MCPH1: variants seen among roughly 807,000 people sequenced by gnomAD.
MCPH1 encodes the protein microcephalin 1.
A neutral mutation model predicts 84.5 loss-of-function variants in MCPH1; 104 were observed. The observed-to-expected ratio is 1.23, with a 90% CI of 1.05 to 1.45. The LOEUF (loss-of-function observed/expected upper bound fraction) is 1.45. MCPH1 is among the 40% of genes most tolerant of loss of function. MCPH1 has a pLI of 0.00. For missense variants in MCPH1, 1,498 were observed against 1,005.7 expected, an observed-to-expected ratio of 1.49 and a Z score of -6.62; for synonymous variants, 514 against 366.8, an observed-to-expected ratio of 1.40 and a Z score of -4.58.
chr8:6,641,944 G>C (rs182921093), intron 13 of MCPH1, among the ~76,000 whole-genome samples: 3 of 152,050 alleles, frequency 2.0e-5, no homozygotes, highest in Admixed American at 6.6e-5. Context: ...ACTGACCCAG[G>C]CCTCCTGGGT....
At chr8:6,452,956 G>C (rs1042198974) in intron 8 of MCPH1, among the ~76,000 whole-genome samples, 6 of 152,190 alleles carry the variant, frequency 3.9e-5, no homozygotes, top group African/African-American at 1.4e-4. Context: ...TAGGTAGTTG[G>C]ATATAGCCAG....
intron 12 of MCPH1, among the ~76,000 whole-genome samples, chr8:6,587,735 G>C (rs572333533): frequency 2.4e-4 from 36 of 152,302 alleles, no homozygotes; most frequent in Non-Finnish European, 4.1e-4. Flanking sequence ...AAGGGAGCTT[G>C]GGTAGATAAG....
intron 12 of MCPH1, among the ~76,000 whole-genome samples, chr8:6,596,049 T>C (rs1429804940): frequency 6.6e-6 from 1 of 152,214 alleles, no homozygotes; most frequent in African/African-American, 2.4e-5. Flanking sequence ...AAAGTATGTT[T>C]CTGTGTCCTT....
In MCPH1 at chr8:6,621,495, C is replaced by T. The variant is rs35999761; in HGVS notation, c.2256C>T (p.Arg752=). The change falls in exon 13 of 14, where the codon CGC becomes CGT. Residue 752 remains arginine (R), a synonymous_variant. Transcript: ENST00000344683. ...GCCACTTGTCTGCAGGGCCGTACCG[C>T]GGAACCCTCTTTGCCGACCAGCCAG... is the stretch of plus-strand genomic sequence containing the variant. ...SECHLSAGPY[R]GTLFADQPAM... 2.7e-4 allele frequency: 435 copies of T among 1,614,146 alleles called. No individual in the cohort carries two copies. In the African/African-American group the frequency reaches 4.4e-3, roughly 16 times the overall value.
Position 6,520,473 on chromosome 8 carries a change from G to A in MCPH1, c.2214+20544G>A, listed in dbSNP as rs538718677. ...GTGCAGTGACACATCTCAGCTTACC[G>A]CATCCTCCTCCTCCCAGGTTTAAGT... On this transcript the variant is annotated intron_variant, in intron 12 of 13. Coordinates refer to ENST00000344683, the MANE Select transcript of MCPH1 (RefSeq NM_024596.5). 1.3e-4 allele frequency among the ~76,000 whole-genome samples: 19 copies of A among 151,936 alleles called. 1 individual carries two copies. The highest frequency in any genetic ancestry group is 3.9e-4 in the African/African-American group (16 of 41,332).
At position 6,645,367 on chromosome 8, in the gene MCPH1, A is replaced by C. The variant is rs1798166404; in HGVS notation, c.*2318A>C. The stretch of plus-strand genomic sequence containing the variant: ...CTTTCAACAATCCTATTAGTAGCTT[A>C]CTGTGGGTCTGCAAAGCCTTACTCA... On this transcript the variant is annotated 3_prime_UTR_variant, in exon 14 of 14. Coordinates refer to ENST00000344683, the MANE Select transcript of MCPH1 (RefSeq NM_024596.5). 6.6e-6 allele frequency: 1 copy of C among 152,162 alleles called. No homozygotes were observed. Among genetic ancestry groups the C allele is most frequent in the Admixed American group, 6.5e-5 (1 of 15,270 alleles). The allele number at this position is 152,162 out of a possible 1,614,324, so 9.4% of individuals were successfully genotyped here.
intron 3 of MCPH1, among the ~76,000 whole-genome samples, chr8:6,417,057 A>AG (rs1799410104): frequency 6.6e-6 from 1 of 151,704 alleles, no homozygotes; most frequent in Non-Finnish European, 1.5e-5. Flanking sequence ...CACTTTCAGA[A>AG]ATTTAAGTGT....
Position 6,519,247 on chromosome 8 carries a change from C to G in MCPH1, c.2214+19318C>G, listed in dbSNP as rs566764332. ...CCCTCAGACCATGTCACCAAGTCCA[C>G]AGGTTGAAACTGTTTTCACGATGCT... On this transcript the variant is annotated intron_variant, in intron 12 of 13. Transcript: ENST00000344683. 2.6e-5 allele frequency among the ~76,000 whole-genome samples: 4 copies of G among 152,292 alleles called. No homozygotes were observed. In the South Asian group the frequency reaches 8.3e-4, roughly 32 times the overall value.
intron 12 of MCPH1, chr8:6,503,023 C>T (rs1167512727): frequency 7.5e-5 from 116 of 1,545,188 alleles, no homozygotes; most frequent in Non-Finnish European, 9.4e-5. Flanking sequence ...GGACACAGTG[C>T]GCAGCCGTGA....
intron 12 of MCPH1, among the ~76,000 whole-genome samples, chr8:6,547,099 A>T (rs2442594): frequency 0.99 from 151,096 of 151,984 alleles, 75,113 homozygotes; most frequent in Middle Eastern, 1. Context: ...AAGTGTAGAT[A>T]GGTGCCAGTT....
At chr8:6,476,847 A>G (rs952836568) in intron 9 of MCPH1, among the ~76,000 whole-genome samples, 5 of 152,182 alleles carry the variant, frequency 3.3e-5, no homozygotes, top group African/African-American at 1.2e-4. Flanking sequence ...ATTTTTGTTT[A>G]TATATGTATA....
At chr8:6,562,697 G>A (rs373970799) in intron 12 of MCPH1, 16 of 1,610,318 alleles carry the variant, frequency 9.9e-6, no homozygotes, top group Non-Finnish European at 1.4e-5. Context: ...AGCACTTGCA[G>A]CCTCTGCACC....
intron 9 of MCPH1, among the ~76,000 whole-genome samples, chr8:6,466,688 C>T (rs1299982463): frequency 6.6e-6 from 1 of 152,028 alleles, no homozygotes; most frequent in African/African-American, 2.4e-5. Context: ...ATTCTCTCAC[C>T]TCGGCCTGTC....
intron 4 of MCPH1, among the ~76,000 whole-genome samples, chr8:6,434,384 C>G (rs1338478591): frequency 1.3e-5 from 2 of 152,192 alleles, no homozygotes; most frequent in South Asian, 4.1e-4. Flanking sequence ...GACAGGCCAG[C>G]ACAATCTGTC....
At chr8:6,433,673 T>C (rs1182985589) in intron 4 of MCPH1, among the ~76,000 whole-genome samples, 1 of 150,316 alleles carries the variant, frequency 6.7e-6, no homozygotes, top group Non-Finnish European at 1.5e-5. Flanking sequence ...CGTGATACTC[T>C]GACCAATATT....
intron 12 of MCPH1, among the ~76,000 whole-genome samples, chr8:6,607,205 T>A (rs1167423494): frequency 6.6e-6 from 1 of 152,114 alleles, no homozygotes; most frequent in East Asian, 1.9e-4. Flanking sequence ...TCCCAATACT[T>A]GGAGGAAAGG....
chr8:6,481,747 A>C (rs1809270453), intron 11 of MCPH1, among the ~76,000 whole-genome samples: 1 of 152,238 alleles, frequency 6.6e-6, no homozygotes, highest in African/African-American at 2.4e-5. Flanking sequence ...TTGAAATTCC[A>C]AAAGTAAGCA....
intron 11 of MCPH1, among the ~76,000 whole-genome samples, chr8:6,486,874 T>C (rs1351617996): frequency 6.6e-6 from 1 of 152,234 alleles, no homozygotes; most frequent in Non-Finnish European, 1.5e-5. Context: ...ATTTGAACCT[T>C]TAAATACTCT....
intron 12 of MCPH1, among the ~76,000 whole-genome samples, chr8:6,589,669 T>G (rs1268614096): frequency 6.6e-6 from 1 of 152,220 alleles, no homozygotes; most frequent in Non-Finnish European, 1.5e-5. Flanking sequence ...AGATGAGAAC[T>G]ATAAATAGCT....
Sources: allele counts gnomAD v4.1 joint callset (sites outside exome capture counted in the v4.1 genomes callset), GRCh38; gene constraint gnomAD v4.1.1; transcripts MANE v1.5; gene names NCBI Gene and HGNC (gene_info 2026-07-23, HGNC 2026-07-21).